The following SPAG16 variants were observed in gnomAD, a reference collection of about 807,000 sequenced individuals.
SPAG16 encodes sperm-associated antigen 16 protein.
Under a neutral mutation model 80.4 loss-of-function variants are expected in SPAG16, and 86 were observed. The observed-to-expected ratio is 1.07, with a 90% CI of 0.90 to 1.28. The LOEUF is 1.28. Among genes scored for constraint, SPAG16 ranks in the 50% most tolerant of loss-of-function variants. The pLI is 0.00. For synonymous variants in SPAG16, 294 were observed against 265.9 expected (o/e 1.11, Z -1.03); for missense variants, 870 against 765.3 (o/e 1.14, Z -1.61).
chr2:214,108,772 A>G (rs543855929), intron 14 of SPAG16, among the ~76,000 whole-genome samples: 1 of 152,328 alleles, frequency 6.6e-6, no homozygotes, highest in African/African-American at 2.4e-5. Context: ...AAAAGTTTCA[A>G]ATATGTCCTT....
chr2:213,645,501 G>A (rs1372321257), intron 10 of SPAG16, among the ~76,000 whole-genome samples: 4 of 152,106 alleles, frequency 2.6e-5, no homozygotes, highest in African/African-American at 7.2e-5. Context: ...CTTCCTTCAA[G>A]GCAGTGGGTT....
chr2:214,285,965 CTA>C (rs1451700415), intron 15 of SPAG16, among the ~76,000 whole-genome samples: 1 of 152,032 alleles, frequency 6.6e-6, no homozygotes, highest in African/African-American at 2.4e-5. Context: ...AGCTTTTTCC[CTA>C]TGTTTTCTTC....
At chr2:214,369,379 C>T (rs1303731103) in intron 15 of SPAG16, among the ~76,000 whole-genome samples, 2 of 151,884 alleles carry the variant, frequency 1.3e-5, no homozygotes, top group East Asian at 1.9e-4. Flanking sequence ...TTTTCTTGTC[C>T]GTAAAATGAA....
chr2:213,938,234 T>A (rs2079065046), intron 12 of SPAG16, among the ~76,000 whole-genome samples: 1 of 152,022 alleles, frequency 6.6e-6, no homozygotes, highest in Admixed American at 6.5e-5. Context: ...GGTCAATGCA[T>A]AAGTCTTAGT....
At chr2:213,722,982 C>T (rs1213967073) in intron 10 of SPAG16, among the ~76,000 whole-genome samples, 1 of 152,176 alleles carries the variant, frequency 6.6e-6, no homozygotes, top group Non-Finnish European at 1.5e-5. Flanking sequence ...GGCTCCATCT[C>T]TTAATACCAA....
intron 12 of SPAG16, among the ~76,000 whole-genome samples, chr2:213,937,193 T>C (rs1320168094): frequency 6.6e-6 from 1 of 152,130 alleles, no homozygotes; most frequent in Non-Finnish European, 1.5e-5. Flanking sequence ...GTTCTTTATG[T>C]TTCATTTGCA....
intron 9 of SPAG16, among the ~76,000 whole-genome samples, chr2:213,449,312 T>C (rs532032396): frequency 6.6e-6 from 1 of 152,334 alleles, no homozygotes; most frequent in East Asian, 1.9e-4. Context: ...TAGACCCTTA[T>C]CAATGGCTCT....
Position 214,246,701 on chromosome 2 carries a change from C to T in SPAG16, c.1720+97435C>T, listed in dbSNP as rs145144072. Among the ~76,000 whole-genome samples the T allele has an allele frequency of 1.1e-3, 168 of 152,090 alleles. 1 individual carries two copies. The highest frequency in any genetic ancestry group is 0.01 in the Middle Eastern group (3 of 294). On this transcript the variant is annotated intron_variant, in intron 15 of 15. Transcript: ENST00000331683. ...CCACAGGAGAGACTTTAAGCTAAAA[C>T]CACCCAGCCAAGTCCTTTCTGAACT...
At chr2:214,255,182 G>C (rs1690591616) in intron 15 of SPAG16, among the ~76,000 whole-genome samples, 1 of 152,008 alleles carries the variant, frequency 6.6e-6, no homozygotes, top group Non-Finnish European at 1.5e-5. Context: ...AATCTAATCA[G>C]TGTCTATCTG....
chr2:213,446,384 T>C (rs1287611691), intron 9 of SPAG16, among the ~76,000 whole-genome samples: 1 of 152,208 alleles, frequency 6.6e-6, no homozygotes, highest in Non-Finnish European at 1.5e-5. Flanking sequence ...ATAGCCATTT[T>C]AAGAAAGAGC....
intron 15 of SPAG16, among the ~76,000 whole-genome samples, chr2:214,270,234 T>C (rs534766507): frequency 6.6e-6 from 1 of 152,322 alleles, no homozygotes; most frequent in East Asian, 1.9e-4. Context: ...TTATTGAACA[T>C]TGGCTGCATC....
chr2:214,228,229 G>A (rs188608478), intron 15 of SPAG16, among the ~76,000 whole-genome samples: 1 of 151,912 alleles, frequency 6.6e-6, no homozygotes, highest in African/African-American at 2.4e-5. Flanking sequence ...TTAACTTTCT[G>A]CAAATTTCAA....
At chr2:213,818,972 CAGAT>C (rs1430315722) in intron 10 of SPAG16, among the ~76,000 whole-genome samples, 1 of 152,190 alleles carries the variant, frequency 6.6e-6, no homozygotes, top group Non-Finnish European at 1.5e-5. Flanking sequence ...TACCCAGTCT[CAGAT>C]AGTAACTTCA....
At chr2:214,270,720 C>T (rs757530113) in intron 15 of SPAG16, among the ~76,000 whole-genome samples, 3 of 152,128 alleles carry the variant, frequency 2.0e-5, no homozygotes, top group Non-Finnish European at 2.9e-5. Context: ...CCGTGGTTGT[C>T]TCCATAGCGC....
At chr2:214,097,738 T>A (rs1277140627) in intron 13 of SPAG16, among the ~76,000 whole-genome samples, 1 of 152,050 alleles carries the variant, frequency 6.6e-6, no homozygotes, top group Non-Finnish European at 1.5e-5. Flanking sequence ...TTCATCGTTG[T>A]GGTTATAATT....
intron 10 of SPAG16, among the ~76,000 whole-genome samples, chr2:213,733,603 C>T (rs112700897): frequency 0.024 from 3,605 of 151,300 alleles, 144 homozygotes; most frequent in African/African-American, 0.082. Flanking sequence ...ACTATGGCCT[C>T]CAAGACTTTC....
At chr2:214,356,700 C>G (rs1350195534) in intron 15 of SPAG16, among the ~76,000 whole-genome samples, 1 of 151,948 alleles carries the variant, frequency 6.6e-6, no homozygotes, top group African/African-American at 2.4e-5. Context: ...CAGAACCATG[C>G]AAGAACCTAT....
chr2:213,650,958 T>C (rs906112746), intron 10 of SPAG16, among the ~76,000 whole-genome samples: 18 of 152,234 alleles, frequency 1.2e-4, no homozygotes, highest in Non-Finnish European at 2.9e-5. Flanking sequence ...TCAGCCATTA[T>C]GATTAGATTT....
intron 10 of SPAG16, among the ~76,000 whole-genome samples, chr2:213,736,705 A>AT (rs1559423284): frequency 1.0e-4 from 5 of 49,018 alleles, no homozygotes; most frequent in Non-Finnish European, 6.6e-5. Flanking sequence ...ATTTTTAAAT[A>AT]ATTTTTTTTT....
Sources: allele counts gnomAD v4.1 joint callset (sites outside exome capture counted in the v4.1 genomes callset), GRCh38; gene constraint gnomAD v4.1.1; transcripts MANE v1.5; gene names NCBI Gene and HGNC (gene_info 2026-07-23, HGNC 2026-07-21).